The following STIL variants were observed in gnomAD, a reference collection of about 807,000 sequenced individuals.
STIL encodes SCL-interrupting locus protein.
A neutral mutation model predicts 110.1 loss-of-function variants in STIL; 55 were observed. The observed-to-expected ratio is 0.50, with a 90% confidence interval of 0.40 to 0.63. The LOEUF (loss-of-function observed/expected upper bound fraction) is 0.63, where lower values mean the gene tolerates loss of function less well. STIL is among the 20% of genes least tolerant of loss of function. STIL has a pLI of 0.00. For missense variants in STIL, 1,358 were observed against 1,530.0 expected, an observed-to-expected ratio of 0.89 and a Z score of 1.87; for synonymous variants, 481 against 530.0, an observed-to-expected ratio of 0.91 and a Z score of 1.27.
intron 5 of STIL, among the ~76,000 whole-genome samples, chr1:47,300,472 A>ATT (rs762624462): frequency 1.0e-5 from 1 of 97,290 alleles, no homozygotes. Flanking sequence ...ACATAAAATA[A>ATT]TTTTTTTTTT....
chr1:47,250,965 C>A lies in STIL; in HGVS notation c.*171G>T, dbSNP rs890058302. On this transcript the variant is annotated 3_prime_UTR_variant, in exon 17 of 17. Transcript: ENST00000371877. ...AACAGCTCTATTTGAACAATGAGAA[C>A]TTAGTCCTATCACCAGCCAGCCATC... 4.8e-6 allele frequency: 3 copies of A among 622,640 alleles called. No homozygotes were observed. The highest frequency in any genetic ancestry group is 8.3e-6 in the Non-Finnish European group (3 of 361,616). 38.6% of individuals were successfully genotyped at this position (622,640 alleles called of 1,614,324 possible).
intron 6 of STIL, chr1:47,299,697 C>T: frequency 3.7e-6 from 2 of 544,958 alleles, no homozygotes; most frequent in South Asian, 2.0e-5. Context: ...CAGGCCCTAC[C>T]ACCAATTTTT....
At chr1:47,307,108 G>A (rs1387254591) in intron 2 of STIL, among the ~76,000 whole-genome samples, 1 of 152,114 alleles carries the variant, frequency 6.6e-6, no homozygotes, top group African/African-American at 2.4e-5. Flanking sequence ...CCAAGATCAC[G>A]CCACCCCACT....
At chr1:47,290,713 A>G (rs1425628400) in intron 8 of STIL, among the ~76,000 whole-genome samples, 2 of 152,120 alleles carry the variant, frequency 1.3e-5, no homozygotes, top group African/African-American at 4.8e-5. Flanking sequence ...AAAAAAAAAA[A>G]AAAAGAAAAG....
At chr1:47,314,537 C>T (rs1422368731), upstream of STIL, among the ~76,000 whole-genome samples, 2 of 152,172 alleles carry the variant, frequency 1.3e-5, no homozygotes, top group East Asian at 3.8e-4. Context: ...AAGCGGACAC[C>T]CGAAGAACAG....
chr1:47,299,185 T>C (rs944931705), intron 6 of STIL, among the ~76,000 whole-genome samples: 33 of 151,534 alleles, frequency 2.2e-4, no homozygotes, highest in African/African-American at 6.3e-4. Flanking sequence ...TCATCTCTAT[T>C]AAAAATACAA....
In STIL at chr1:47,250,838, A is replaced by G; in HGVS notation, c.*298T>C. On this transcript the variant is annotated 3_prime_UTR_variant, in exon 17 of 17. Transcript: ENST00000371877. The stretch of plus-strand genomic sequence containing the variant: ...CGTCTCAAAAAAAAAAGTACAGTAT[A>G]AAAGAGCAGTTGAGACTTAGAGCTG... The G allele has an allele frequency of 3.2e-6, 1 of 309,766 alleles. No homozygotes were observed. Among genetic ancestry groups the G allele is most frequent in the Non-Finnish European group, 6.0e-6 (1 of 167,396 alleles). The allele number at this position is 309,766 out of a possible 1,614,324, so 19.2% of individuals were successfully genotyped here.
rs1377948200 is a variant in STIL, at chr1:47,310,293, C to T, written c.27G>A (p.Arg9=). The change falls in exon 2 of 17, where the codon CGG becomes CGA. Residue 9 remains arginine, a synonymous_variant. Coordinates refer to ENST00000371877, the MANE Select transcript of STIL (RefSeq NM_001048166.1). ...TTCTATACCTGGTATTCATCTGGGG[C>T]CGTGCAAAAGGATATATAGGCTCCA... is the stretch of plus-strand genomic sequence containing the variant. MEPIYPFA[R]PQMNTRFPSS... 3.1e-6 allele frequency: 5 copies of T among 1,612,934 alleles called. No individual in the cohort carries two copies. In the East Asian group the frequency reaches 1.1e-4, roughly 36 times the overall value.
rs60915271 is a variant in STIL, at chr1:47,263,744, G to GTTTTTTTTTTT, written c.2616-639_2616-629dup. Among the ~76,000 whole-genome samples the GTTTTTTTTTTT allele has an allele frequency of 9.9e-4, 97 of 98,296 alleles. 10 individuals carry two copies. Among genetic ancestry groups the GTTTTTTTTTTT allele is most frequent in the Non-Finnish European group, 1.2e-3 (60 of 50,608 alleles). 64.5% of individuals were successfully genotyped at this position (98,296 alleles called of 152,430 possible). A position where few individuals can be genotyped will look rare whatever the true frequency, so the allele number is the denominator to read the frequency against. ...TAGGTATGTTATTTGTTCATTCCAA[G>GTTTTTTTTTTT]TTTTTTTTTTTTTTTTTTTTTTTTT... On this transcript the variant is annotated intron_variant, in intron 14 of 16. Transcript: ENST00000371877.
At chr1:47,278,488 ATATTTT>A (rs1645054092) in intron 12 of STIL, among the ~76,000 whole-genome samples, 1 of 152,094 alleles carries the variant, frequency 6.6e-6, no homozygotes, top group Non-Finnish European at 1.5e-5. Flanking sequence ...CTATAATATT[ATATTTT>A]AAGTATACAA....
chr1:47,304,982 C>G lies in STIL; in HGVS notation c.59G>C (p.Arg20Thr). Reference sequence around the variant, plus strand: ...TGGAGGAAAGTGGAAAGGTACCATCCTGCTTGAAGGAAACCTTTTGAAAAA... The same window carrying G: ...TGGAGGAAAGTGGAAAGGTACCATCGTGCTTGAAGGAAACCTTTTGAAAAA... ...PQMNTRFPSS[R>T]MVPFHFPPSK... is the part of the protein sequence containing the mutation. The change falls in exon 3 of 17, where the codon AGG (arginine) becomes ACG (threonine). Residue 20 changes from arginine (R) to threonine (T), a missense_variant. Transcript: ENST00000371877. 6.2e-7 allele frequency: 1 copy of G among 1,613,794 alleles called. No individual in the cohort carries two copies. The highest frequency in any genetic ancestry group is 8.5e-7 in the Non-Finnish European group (1 of 1,179,826).
chr1:47,307,593 T>C (rs1315244663), intron 2 of STIL, among the ~76,000 whole-genome samples: 2 of 152,192 alleles, frequency 1.3e-5, no homozygotes, highest in African/African-American at 4.8e-5. Flanking sequence ...CTCAGGACCC[T>C]GTAATAATTG....
chr1:47,312,746 A>AGG (rs1282491803), intron 1 of STIL, among the ~76,000 whole-genome samples: 1 of 152,196 alleles, frequency 6.6e-6, no homozygotes, highest in East Asian at 1.9e-4. Flanking sequence ...AATATACATA[A>AGG]GGTACTTTCA....
Position 47,280,992 on chromosome 1 carries a change from G to A in STIL, c.1466C>T (p.Pro489Leu), listed in dbSNP as rs1287141595. ...EAGEPSLRGIPNQLNQDKPAL... is the reference protein window; with the variant it reads ...EAGEPSLRGILNQLNQDKPAL... Reference sequence around the variant, plus strand: ...TGGTTTATCCTGGTTTAACTGATTTGGTATTCCTCTCAAGGAAGGCTCTCC... The same window carrying A: ...TGGTTTATCCTGGTTTAACTGATTTAGTATTCCTCTCAAGGAAGGCTCTCC... Residue 489 changes from proline to leucine, a missense_variant, in exon 12 of 17, where the codon CCA becomes CTA. Coordinates refer to ENST00000371877, the MANE Select transcript of STIL (RefSeq NM_001048166.1). The A allele has an allele frequency of 3.1e-6, 5 of 1,613,906 alleles. No individual in the cohort carries two copies. The African/African-American group carries it at 4.0e-5, about 13-fold the overall frequency.
intron 12 of STIL, among the ~76,000 whole-genome samples, chr1:47,275,276 C>G (rs1644957301): frequency 1.3e-5 from 2 of 151,294 alleles, no homozygotes; most frequent in Admixed American, 1.3e-4. Context: ...AAAGAAGCAA[C>G]AAATATAATC....
At chr1:47,299,353 A>C (rs557282672) in intron 6 of STIL, among the ~76,000 whole-genome samples, 2 of 151,936 alleles carry the variant, frequency 1.3e-5, no homozygotes, top group African/African-American at 4.8e-5. Flanking sequence ...TCTCAAAAAA[A>C]GAACTGAGTT....
chr1:47,299,520 G>T (rs1362674968), intron 6 of STIL, among the ~76,000 whole-genome samples: 2 of 151,470 alleles, frequency 1.3e-5, no homozygotes, highest in South Asian at 4.2e-4. Flanking sequence ...AACCTCCCGA[G>T]TAACTGGGAC....
intron 12 of STIL, among the ~76,000 whole-genome samples, chr1:47,275,493 A>G (rs1644965774): frequency 6.6e-6 from 1 of 152,006 alleles, no homozygotes; most frequent in African/African-American, 2.4e-5. Context: ...CTGTAGTCCC[A>G]GCTACTCAGG....
chr1:47,268,954 G>A (rs527825934), intron 14 of STIL, among the ~76,000 whole-genome samples: 7 of 149,050 alleles, frequency 4.7e-5, no homozygotes, highest in Non-Finnish European at 9.0e-5. Flanking sequence ...GGAATTAGCC[G>A]GGCATGGTGG....
Sources: gnomAD v4.1 joint callset for allele counts (sites outside exome capture counted in the v4.1 genomes callset) on GRCh38, gnomAD v4.1.1 for gene constraint, MANE v1.5 for transcripts, NCBI Gene and HGNC (gene_info 2026-07-23, HGNC 2026-07-21) for gene names.